ACYP2: variants seen among roughly 807,000 people sequenced by gnomAD.
The protein encoded by ACYP2 is acylphosphatase 2, also known as acylphosphatase-2.
A neutral mutation model predicts 11.2 loss-of-function variants in ACYP2; 12 were observed. The observed-to-expected ratio is 1.08, with a 90% confidence interval of 0.69 to 1.74. ACYP2 has a LOEUF of 1.74. ACYP2 is among the 40% of genes most tolerant of loss of function. ACYP2 has a pLI of 0.00. For synonymous variants in ACYP2, 43 were observed against 32.2 expected (o/e 1.33, Z -1.13); for missense variants, 134 against 101.9 (o/e 1.31, Z -1.35).
intron 6 of ACYP2, among the ~76,000 whole-genome samples, chr2:54,213,465 A>AT (rs1244519549): frequency 1.3e-5 from 2 of 152,114 alleles, no homozygotes; most frequent in Non-Finnish European, 2.9e-5. Context: ...CAGTAATGAG[A>AT]TTTCTGGGTC....
rs1414747801 is a variant in ACYP2 at position 54,192,033 on chromosome 2, A to T, written c.404+53285A>T. Among the ~76,000 whole-genome samples the T allele has an allele frequency of 2.6e-5, 4 of 152,306 alleles. No individual in the cohort carries two copies. In the East Asian group the frequency reaches 7.7e-4, roughly 29 times the overall value. ...CCTTCTTCAGTAATTGATAAATGTAATTAATGACATAAAATCTTAAATCTC... is the reference window on the plus strand; with the variant it reads ...CCTTCTTCAGTAATTGATAAATGTATTTAATGACATAAAATCTTAAATCTC... On this transcript the variant is annotated intron_variant, in intron 6 of 6. Coordinates refer to ENST00000607452, the MANE Select transcript of ACYP2 (RefSeq NM_001320586.2).
intron 4 of ACYP2, among the ~76,000 whole-genome samples, chr2:54,097,603 G>T (rs1319583108): frequency 1.3e-5 from 2 of 151,686 alleles, no homozygotes; most frequent in Admixed American, 6.6e-5. Context: ...AGGAGGGAAA[G>T]GTATGGTGAA....
chr2:54,136,948 C>A (rs1328555440), intron 5 of ACYP2, among the ~76,000 whole-genome samples: 1 of 151,984 alleles, frequency 6.6e-6, no homozygotes, highest in Non-Finnish European at 1.5e-5. Flanking sequence ...TGCACTCCAG[C>A]CTGGACGACA....
intron 2 of ACYP2, among the ~76,000 whole-genome samples, chr2:54,025,570 A>G (rs1674239073): frequency 1.3e-5 from 2 of 152,330 alleles, no homozygotes; most frequent in South Asian, 4.1e-4. Context: ...TTATAAAAAA[A>G]TCAACTCAAG....
At chr2:53,988,338 C>T (rs929420101) in intron 2 of ACYP2, among the ~76,000 whole-genome samples, 1 of 152,096 alleles carries the variant, frequency 6.6e-6, no homozygotes, top group Non-Finnish European at 1.5e-5. Flanking sequence ...TTATATGTGG[C>T]ATGACATTTA....
At chr2:53,975,562 G>A (rs538178060) in intron 2 of ACYP2, among the ~76,000 whole-genome samples, 2 of 152,114 alleles carry the variant, frequency 1.3e-5, no homozygotes, top group Non-Finnish European at 2.9e-5. Flanking sequence ...GCTGGGCTGG[G>A]TGGCTCACGC....
At chr2:54,282,981 G>T (rs959050528) in intron 6 of ACYP2, among the ~76,000 whole-genome samples, 2 of 152,140 alleles carry the variant, frequency 1.3e-5, no homozygotes, top group African/African-American at 2.4e-5. Context: ...AAATATTATT[G>T]TTTTAATTAA....
At chr2:54,141,670 A>G (rs923270894) in intron 6 of ACYP2, among the ~76,000 whole-genome samples, 3 of 152,114 alleles carry the variant, frequency 2.0e-5, no homozygotes, top group South Asian at 2.1e-4. Context: ...TCTCCACAGT[A>G]TATTTCCTCT....
chr2:54,059,025 T>G (rs1160941873), intron 4 of ACYP2, among the ~76,000 whole-genome samples: 1 of 152,148 alleles, frequency 6.6e-6, no homozygotes, highest in African/African-American at 2.4e-5. Context: ...TGGTTTATGG[T>G]CATGCTGGCC....
At chr2:54,017,326 G>C (rs1673752582) in intron 2 of ACYP2, among the ~76,000 whole-genome samples, 1 of 142,144 alleles carries the variant, frequency 7.0e-6, no homozygotes, top group Admixed American at 7.3e-5. Flanking sequence ...CACCATCTCA[G>C]TTTACTGCAG....
At chr2:54,097,589 T>C (rs924311792) in intron 4 of ACYP2, among the ~76,000 whole-genome samples, 10 of 152,064 alleles carry the variant, frequency 6.6e-5, no homozygotes, top group Non-Finnish European at 1.3e-4. Flanking sequence ...CAAGCATACA[T>C]GAAAGGAGGG....
At chr2:54,255,345 T>C in intron 6 of ACYP2, 1 of 1,614,184 alleles carries the variant, frequency 6.2e-7, no homozygotes, top group Non-Finnish European at 8.5e-7. Flanking sequence ...TCTCGGCATC[T>C]TGGCCTCTAA....
chr2:53,974,842 AAG>A (rs1671389360), intron 2 of ACYP2, among the ~76,000 whole-genome samples: 1 of 152,172 alleles, frequency 6.6e-6, no homozygotes, highest in African/African-American at 2.4e-5. Context: ...GAATATTTGA[AAG>A]AGAGTGGTTA....
chr2:54,116,617 C>T (rs2103730617), intron 4 of ACYP2, among the ~76,000 whole-genome samples: 1 of 151,572 alleles, frequency 6.6e-6, no homozygotes, highest in Admixed American at 6.6e-5. Context: ...GACAATAAGG[C>T]TCTCTTAGAA....
intron 6 of ACYP2, among the ~76,000 whole-genome samples, chr2:54,234,503 T>A (rs1331117282): frequency 6.6e-6 from 1 of 152,234 alleles, no homozygotes; most frequent in Non-Finnish European, 1.5e-5. Context: ...TTGAATGCTC[T>A]GCTTTTGTCT....
chr2:54,086,374 C>A (rs1677947576), intron 4 of ACYP2, among the ~76,000 whole-genome samples: 1 of 152,114 alleles, frequency 6.6e-6, no homozygotes, highest in African/African-American at 2.4e-5. Flanking sequence ...TGAGGGCAGG[C>A]AGGGGAGAGT....
intron 4 of ACYP2, 145 bp downstream of exon 1, chr2:54,115,901 G>C (rs1679754231): frequency 7.1e-6 from 8 of 1,123,114 alleles, no homozygotes; most frequent in East Asian, 3.1e-5. Flanking sequence ...CGGCGGCGGG[G>C]AGGGAGGCGA....
intron 1 of ACYP2, among the ~76,000 whole-genome samples, chr2:53,972,409 A>G (rs571744787): frequency 1.3e-5 from 2 of 151,298 alleles, no homozygotes; most frequent in Non-Finnish European, 2.9e-5. Context: ...GATGGAGACC[A>G]TCCTGGCTAA....
chr2:54,116,377 C>T (rs2042143), intron 4 of ACYP2, among the ~76,000 whole-genome samples: 85,063 of 151,900 alleles, frequency 0.56, 23,914 homozygotes, highest in East Asian at 0.71. Flanking sequence ...AGTGATTTAA[C>T]ATCCACCATC....
Sources: allele counts gnomAD v4.1 joint callset (sites outside exome capture counted in the v4.1 genomes callset), GRCh38; gene constraint gnomAD v4.1.1; transcripts MANE v1.5; gene names NCBI Gene and HGNC (gene_info 2026-07-23, HGNC 2026-07-21).